Variants in PPFIBP1 observed in about 807,000 individuals in gnomAD.
The protein encoded by PPFIBP1 is PPFIB scaffold protein 1.
A neutral mutation model predicts 137.8 loss-of-function variants in PPFIBP1; 112 were observed. The observed-to-expected ratio is 0.81, with a 90% confidence interval of 0.70 to 0.95. PPFIBP1 has a LOEUF of 0.95. Among genes scored for constraint, PPFIBP1 ranks in the 40% least tolerant of loss-of-function variants. The probability of loss-of-function intolerance (pLI) is 0.00; values close to 1 mark genes in which losing one functional copy is unlikely to be tolerated. For missense variants in PPFIBP1, 1,083 were observed against 1,196.6 expected, an observed-to-expected ratio of 0.91 and a Z score of 1.40; for synonymous variants, 378 against 417.3, an observed-to-expected ratio of 0.91 and a Z score of 1.15.
chr12:27,609,936 T>C (rs1231303273), intron 2 of PPFIBP1, among the ~76,000 whole-genome samples: 1 of 152,204 alleles, frequency 6.6e-6, no homozygotes, highest in Non-Finnish European at 1.5e-5. Flanking sequence ...CCCAGTCTAT[T>C]GCTTTTTGAA....
chr12:27,527,746 GA>G (rs1463425221), intron 1 of PPFIBP1, among the ~76,000 whole-genome samples: 1 of 151,554 alleles, frequency 6.6e-6, no homozygotes, highest in African/African-American at 2.4e-5. Flanking sequence ...GATTTCCTTA[GA>G]AAGTCATATT....
At chr12:27,691,954 T>C in intron 28 of PPFIBP1, 26 bp downstream of exon 28, 1 of 1,554,236 alleles carries the variant, frequency 6.4e-7, no homozygotes, top group Non-Finnish European at 8.7e-7. Context: ...TATAACTTTT[T>C]GCGAGTTCTT....
chr12:27,688,677 G>A lies in PPFIBP1; in HGVS notation c.2496+254G>A, dbSNP rs910515894. On this transcript the variant is annotated intron_variant, in intron 26 of 29. Coordinates refer to ENST00000228425, the MANE Select transcript of PPFIBP1 (RefSeq NM_003622.4). ...TAGCTGCTTTCTCTCATATGATCAT[G>A]TTTGAAAACCCCTGCAAGGATGCAG... Among the ~76,000 whole-genome samples, 4 of 152,098 alleles carry A rather than the reference G, an allele frequency of 2.6e-5. No individual in the cohort carries two copies. In the East Asian group the frequency reaches 7.7e-4, roughly 29 times the overall value.
chr12:27,689,809 GC>G (rs1296578609), intron 27 of PPFIBP1, among the ~76,000 whole-genome samples: 4 of 152,046 alleles, frequency 2.6e-5, no homozygotes, highest in African/African-American at 9.7e-5. Context: ...CATTCCCGCC[GC>G]CCCAGGAAGG....
At chr12:27,587,622 C>CA (rs35185831) in intron 2 of PPFIBP1, among the ~76,000 whole-genome samples, 28,839 of 73,322 alleles carry the variant, frequency 0.39, 6,635 homozygotes, top group Non-Finnish European at 0.49. Context: ...GACTCCATCT[C>CA]AAAAAAAAAA....
rs1372551942 is a variant in PPFIBP1, at chr12:27,573,062, T to C, written c.-123-5090T>C. Reference sequence around the variant, plus strand: ...ATGTTTATTGGTTGGCTGGGCTCCATGTAACTAACACAGCCCAAGCTTGTG... The same window carrying C: ...ATGTTTATTGGTTGGCTGGGCTCCACGTAACTAACACAGCCCAAGCTTGTG... On this transcript the variant is annotated intron_variant, in intron 1 of 29. Coordinates refer to ENST00000228425, the MANE Select transcript of PPFIBP1 (RefSeq NM_003622.4). Among the ~76,000 whole-genome samples the C allele has an allele frequency of 5.9e-5, 9 of 152,344 alleles. No individual in the cohort carries two copies. The East Asian group carries it at 1.7e-3, about 29-fold the overall frequency.
At chr12:27,651,010 A>G (rs1170148518) in intron 7 of PPFIBP1, among the ~76,000 whole-genome samples, 2 of 152,134 alleles carry the variant, frequency 1.3e-5, no homozygotes, top group African/African-American at 2.4e-5. Flanking sequence ...AGGAGAGAGG[A>G]GAGAAAATGG....
chr12:27,666,857 T>C (rs1438316306), intron 12 of PPFIBP1, among the ~76,000 whole-genome samples: 2 of 152,248 alleles, frequency 1.3e-5, no homozygotes, highest in African/African-American at 4.8e-5. Flanking sequence ...AAAACAAAGT[T>C]ACAAGAGAGT....
At chr12:27,670,763 A>C (rs996977086) in intron 13 of PPFIBP1, among the ~76,000 whole-genome samples, 1 of 99,684 alleles carries the variant, frequency 1.0e-5, no homozygotes, top group South Asian at 3.6e-4. Context: ...TGGATGACAA[A>C]GTGAGACCCT....
chr12:27,593,619 A>C, intron 2 of PPFIBP1: 1 of 451,418 alleles, frequency 2.2e-6, no homozygotes, highest in Non-Finnish European at 4.2e-6. Context: ...ATTTTCTAGA[A>C]ATGTCTGAAA....
chr12:27,596,806 A>G (rs759734830), intron 2 of PPFIBP1, among the ~76,000 whole-genome samples: 14 of 152,210 alleles, frequency 9.2e-5, no homozygotes, highest in East Asian at 1.9e-4. Context: ...TGCCCCATTC[A>G]ATAGAAAGAG....
At chr12:27,559,134 C>A (rs1019139996) in intron 1 of PPFIBP1, among the ~76,000 whole-genome samples, 1 of 151,662 alleles carries the variant, frequency 6.6e-6, no homozygotes, top group Non-Finnish European at 1.5e-5. Flanking sequence ...TTCCAAAGTG[C>A]TGGGTTTATA....
chr12:27,648,784 G>C (rs1565938564), intron 6 of PPFIBP1, among the ~76,000 whole-genome samples: 1 of 152,146 alleles, frequency 6.6e-6, no homozygotes, highest in Non-Finnish European at 1.5e-5. Context: ...TTATTTGTGG[G>C]ATCTAAAAAT....
intron 4 of PPFIBP1, among the ~76,000 whole-genome samples, chr12:27,638,957 C>A (rs2057900660): frequency 6.6e-6 from 1 of 152,118 alleles, no homozygotes; most frequent in African/African-American, 2.4e-5. Flanking sequence ...TGCAACTGGG[C>A]ATTTGCAGTT....
chr12:27,593,129 CAA>C (rs33939858), intron 2 of PPFIBP1, among the ~76,000 whole-genome samples: 15,596 of 100,724 alleles, frequency 0.15, 923 homozygotes, highest in Admixed American at 0.23. Flanking sequence ...AAGAATGTCT[CAA>C]AAAAAAAAAA....
intron 2 of PPFIBP1, among the ~76,000 whole-genome samples, chr12:27,595,478 T>C (rs564125121): frequency 6.6e-6 from 1 of 152,180 alleles, no homozygotes; most frequent in East Asian, 1.9e-4. Context: ...CAGAAAGACC[T>C]GAATTAGAGC....
chr12:27,581,760 T>C (rs917252563), intron 2 of PPFIBP1, among the ~76,000 whole-genome samples: 1 of 152,126 alleles, frequency 6.6e-6, no homozygotes, highest in African/African-American at 2.4e-5. Flanking sequence ...GTGTCACATG[T>C]TGTTTGTTTT....
chr12:27,559,178 ATT>A lies in PPFIBP1; in HGVS notation c.-123-18963_-123-18962del, dbSNP rs34459684. 5.9e-4 allele frequency among the ~76,000 whole-genome samples: 86 copies of A among 145,812 alleles called. 1 individual carries two copies. The East Asian group carries it at 0.01, about 18-fold the overall frequency. On this transcript the variant is annotated intron_variant, in intron 1 of 29. Transcript: ENST00000228425. ...CCACAACACCAGGCCCTTAATAGTGATTTTTTTTTTTTAGACGGAGTCTCGCT... is the reference window on the plus strand; with the variant it reads ...CCACAACACCAGGCCCTTAATAGTGATTTTTTTTTTAGACGGAGTCTCGCT...
At chr12:27,604,166 A>C (rs1592786571) in intron 2 of PPFIBP1, among the ~76,000 whole-genome samples, 1 of 152,320 alleles carries the variant, frequency 6.6e-6, no homozygotes, top group East Asian at 1.9e-4. Context: ...TCAGAGGCAG[A>C]CTGACTGGCG....
Sources: gnomAD v4.1 joint callset for allele counts (sites outside exome capture counted in the v4.1 genomes callset) on GRCh38, gnomAD v4.1.1 for gene constraint, MANE v1.5 for transcripts, NCBI Gene and HGNC (gene_info 2026-07-23, HGNC 2026-07-21) for gene names.